The following ADAM17 variants were observed in gnomAD, a reference collection of about 807,000 sequenced individuals.
ADAM17 encodes ADAM metallopeptidase domain 17.
In ADAM17, 39 loss-of-function variants were observed where a neutral mutation model predicts 96.7. The ratio of observed to expected loss-of-function variants is 0.40; its 90% CI spans 0.31 to 0.53. The LOEUF (loss-of-function observed/expected upper bound fraction) is 0.53, where lower values mean the gene tolerates loss of function less well. ADAM17 is among the 20% of genes least tolerant of loss of function. ADAM17 has a pLI of 0.44. For missense variants in ADAM17, 777 were observed against 1,013.2 expected, an observed-to-expected ratio of 0.77 and a Z score of 3.17; for synonymous variants, 344 against 359.2, an observed-to-expected ratio of 0.96 and a Z score of 0.48.
chr2:9,535,760 C>G, intron 4 of ADAM17, 74 bp downstream of exon 4: 1 of 926,730 alleles, frequency 1.1e-6, no homozygotes, highest in Non-Finnish European at 1.6e-6. Context: ...TTACTTTTCA[C>G]CTTTGCAGAA....
At position 9,532,638 on chromosome 2, in the gene ADAM17, A is replaced by ATTT. The variant is rs70948827; in HGVS notation, c.450+3193_450+3195dup. Among the ~76,000 whole-genome samples, 177 of 114,166 alleles carry ATTT rather than the reference A, an allele frequency of 1.6e-3. 1 individual carries two copies. Among genetic ancestry groups the ATTT allele is most frequent in the African/African-American group, 2.5e-3 (71 of 28,178 alleles). 74.9% of individuals were successfully genotyped at this position (114,166 alleles called of 152,430 possible). On this transcript the variant is annotated intron_variant, in intron 4 of 18. Transcript: ENST00000310823. ...AGGCATGTGCCACCATGCCCAGCTA[A>ATTT]TTTTTTTTTTTTTTTTTTTTTTGTG...
chr2:9,510,475 C>T (rs1663674456), intron 10 of ADAM17, among the ~76,000 whole-genome samples: 2 of 151,782 alleles, frequency 1.3e-5, no homozygotes, highest in Non-Finnish European at 2.9e-5. Context: ...ACCAGCCTGG[C>T]CAACATGGTG....
intron 1 of ADAM17, among the ~76,000 whole-genome samples, chr2:9,546,626 T>A (rs1320231900): frequency 6.6e-6 from 1 of 151,994 alleles, no homozygotes; most frequent in Admixed American, 6.6e-5. Flanking sequence ...AACTTAAGTA[T>A]AAACCACCTG....
intron 10 of ADAM17, among the ~76,000 whole-genome samples, chr2:9,511,100 T>C (rs1445969619): frequency 6.6e-6 from 1 of 151,926 alleles, no homozygotes; most frequent in African/African-American, 2.4e-5. Flanking sequence ...CCCAATCACA[T>C]GTCTGTTAAA....
chr2:9,505,324 A>T lies in ADAM17; in HGVS notation c.1386T>A (p.Ile462=). The T allele has an allele frequency of 6.2e-7, 1 of 1,614,156 alleles. No homozygotes were observed. The highest frequency in any genetic ancestry group is 8.5e-7 in the Non-Finnish European group (1 of 1,180,042). Residue 462 remains isoleucine, a synonymous_variant, in exon 12 of 19, where the codon ATT becomes ATA. Coordinates refer to ENST00000310823, the MANE Select transcript of ADAM17 (RefSeq NM_003183.6). ...GAAAACACTCCTGGGCCTTACTTTCAATGGTCTTATAGATTGATTGTTTAC... is the reference window on the plus strand; with the variant it reads ...GAAAACACTCCTGGGCCTTACTTTCTATGGTCTTATAGATTGATTGTTTAC... ...NCSKQSIYKT[I]ESKAQECFQE...
intron 4 of ADAM17, 119 bp from the exon 5 acceptor site, chr2:9,528,073 A>C (rs918090474): frequency 1.6e-6 from 1 of 610,332 alleles, no homozygotes; most frequent in African/African-American, 1.9e-5. Flanking sequence ...AAGTAAACTG[A>C]TTAGTCATGT....
intron 6 of ADAM17, among the ~76,000 whole-genome samples, chr2:9,524,503 T>G (rs1225285395): frequency 6.6e-6 from 1 of 151,558 alleles, no homozygotes; most frequent in African/African-American, 2.4e-5. Flanking sequence ...CACGTGAGGA[T>G]TTTCGACTGC....
chr2:9,491,631 T>C (rs1036964515), intron 17 of ADAM17, among the ~76,000 whole-genome samples: 4 of 152,210 alleles, frequency 2.6e-5, no homozygotes, highest in African/African-American at 9.7e-5. Flanking sequence ...GACCATGCTC[T>C]GCTGGAGGAA....
At chr2:9,551,926 T>C (rs1016803469) in intron 1 of ADAM17, among the ~76,000 whole-genome samples, 3 of 152,206 alleles carry the variant, frequency 2.0e-5, no homozygotes, top group Admixed American at 6.5e-5. Context: ...AGTAATCGTT[T>C]TGTTATACCT....
rs769765221 is a variant in ADAM17 at position 9,493,004 on chromosome 2, C to T, written c.1994-18G>A. On this transcript the variant is annotated intron_variant, in intron 16 of 18. Transcript: ENST00000310823. Reference sequence around the variant, plus strand: ...AAACTTTCCTGTGAACAATTCCAAACAGTTAATGTCTTGACCAAGTACTTC... The same window carrying T: ...AAACTTTCCTGTGAACAATTCCAAATAGTTAATGTCTTGACCAAGTACTTC... The T allele has an allele frequency of 1.3e-6, 2 of 1,594,356 alleles. No homozygotes were observed. The highest frequency in any genetic ancestry group is 2.3e-5 in the South Asian group (2 of 88,528).
intron 1 of ADAM17, among the ~76,000 whole-genome samples, chr2:9,548,192 C>T (rs1206202130): frequency 6.6e-6 from 1 of 151,936 alleles, no homozygotes; most frequent in African/African-American, 2.4e-5. Flanking sequence ...ATTAGCTGGG[C>T]GTGGTAGCAG....
chr2:9,509,896 G>A (rs1053704938), intron 11 of ADAM17, 83 bp downstream of exon 11: 5 of 1,525,928 alleles, frequency 3.3e-6, no homozygotes, highest in Non-Finnish European at 4.4e-6. Flanking sequence ...GCCTAGGAAT[G>A]GAATACGTTT....
chr2:9,547,384 A>T (rs1223334736), intron 1 of ADAM17, among the ~76,000 whole-genome samples: 2 of 152,338 alleles, frequency 1.3e-5, no homozygotes, highest in East Asian at 3.9e-4. Context: ...TATAAAGTAC[A>T]TCACAGACCA....
At chr2:9,522,567 C>A (rs1664357069) in intron 7 of ADAM17, 2 of 460,866 alleles carry the variant, frequency 4.3e-6, no homozygotes, top group Non-Finnish European at 7.8e-6. Context: ...TTTTTTCAAC[C>A]TCTAAATTCT....
At chr2:9,497,333 A>C in intron 13 of ADAM17, 85 bp from the exon 14 acceptor site, 1 of 1,551,126 alleles carries the variant, frequency 6.4e-7, no homozygotes, top group Non-Finnish European at 8.7e-7. Flanking sequence ...TTTCTCATAC[A>C]AGTGAGCATC....
intron 17 of ADAM17, 122 bp downstream of exon 17, chr2:9,492,776 G>T: frequency 1.4e-6 from 1 of 712,930 alleles, no homozygotes; most frequent in Non-Finnish European, 2.2e-6. Context: ...AACAAAAAAA[G>T]CTATTGGAAA....
At chr2:9,544,265 C>A (rs182235955) in intron 1 of ADAM17, among the ~76,000 whole-genome samples, 8 of 152,274 alleles carry the variant, frequency 5.3e-5, no homozygotes, top group Admixed American at 2.0e-4. Context: ...TGAGGCCATG[C>A]ATGGTGGCTC....
At chr2:9,514,512 AATATAAATATATATATATATATATAT>A (rs1190328332) in intron 10 of ADAM17, among the ~76,000 whole-genome samples, 3 of 89,240 alleles carry the variant, frequency 3.4e-5, no homozygotes, top group East Asian at 8.7e-4. Context: ...TTAAATTTAA[AATATAAATATATATATATATATATAT>A]ATATATATAT....
At chr2:9,523,533 G>A (rs925033383) in intron 6 of ADAM17, among the ~76,000 whole-genome samples, 195 bp from the exon 7 acceptor site, 1 of 152,184 alleles carries the variant, frequency 6.6e-6, no homozygotes, top group African/African-American at 2.4e-5. Context: ...TTAAAGTGCT[G>A]TTACCAGAAT....
Sources: gnomAD v4.1 joint callset for allele counts (sites outside exome capture counted in the v4.1 genomes callset) on GRCh38, gnomAD v4.1.1 for gene constraint, MANE v1.5 for transcripts, NCBI Gene and HGNC (gene_info 2026-07-23, HGNC 2026-07-21) for gene names.